DHX40: variants seen among roughly 807,000 people sequenced by gnomAD.
DHX40 encodes the protein DEAH-box helicase 40.
DHX40 carries 28 observed loss-of-function variants against 89.6 expected under a neutral mutation model. That is an observed-to-expected ratio of 0.31 (90% CI 0.23 to 0.43). The LOEUF (loss-of-function observed/expected upper bound fraction) is 0.43. DHX40 is among the 20% of genes least tolerant of loss of function. DHX40 has a pLI of 1.00. For synonymous variants in DHX40, 226 were observed against 283.6 expected (o/e 0.80, Z 2.04); for missense variants, 457 against 844.0 (o/e 0.54, Z 5.68).
At chr17:59,605,026 A>G (rs2030757786) in intron 15 of DHX40, 89 bp from the exon 16 acceptor site, 2 of 1,072,340 alleles carry the variant, frequency 1.9e-6, no homozygotes, top group Non-Finnish European at 2.9e-6. Flanking sequence ...AGTAGAACAT[A>G]TTGTAATTGT....
chr17:59,575,187 A>C (rs991785786), intron 6 of DHX40, among the ~76,000 whole-genome samples, 153 bp from the exon 7 acceptor site: 4 of 151,962 alleles, frequency 2.6e-5, no homozygotes, highest in African/African-American at 7.3e-5. Flanking sequence ...TATTGTTGAA[A>C]TATGGTACAG....
intron 14 of DHX40, among the ~76,000 whole-genome samples, chr17:59,600,637 A>C (rs143643554): frequency 0.025 from 3,830 of 151,498 alleles, 155 homozygotes; most frequent in African/African-American, 0.088. Context: ...ACTTGAGGCC[A>C]GGAGTTCAAG....
At chr17:59,600,414 T>A (rs964596836) in intron 14 of DHX40, among the ~76,000 whole-genome samples, 6 of 151,916 alleles carry the variant, frequency 3.9e-5, no homozygotes, top group African/African-American at 1.5e-4. Flanking sequence ...TTACTGTATA[T>A]AAGTTTGCAT....
chr17:59,607,305 A>G lies in DHX40; in HGVS notation c.*133A>G. 6 of 1,552,916 alleles carry G rather than the reference A, an allele frequency of 3.9e-6. No homozygotes were observed. The highest frequency in any genetic ancestry group is 5.3e-6 in the Non-Finnish European group (6 of 1,138,956). On this transcript the variant is annotated 3_prime_UTR_variant, in exon 18 of 18. Transcript: ENST00000251241. ...TTATTGGCCTATGAACTAAAAGCAA[A>G]TCAAAGCTCATAAATCAAAGCTCAT...
intron 6 of DHX40, among the ~76,000 whole-genome samples, chr17:59,574,526 A>T (rs2048854231): frequency 6.6e-6 from 1 of 151,366 alleles, no homozygotes; most frequent in Admixed American, 6.6e-5. Context: ...ATAGTAGTAT[A>T]TGTCAAAGAC....
chr17:59,604,440 C>T (rs1373068953), intron 15 of DHX40: 3 of 152,068 alleles, frequency 2.0e-5, no homozygotes, highest in Non-Finnish European at 4.4e-5. Context: ...TTGATGATAC[C>T]TGAGTCTAAT....
intron 12 of DHX40, among the ~76,000 whole-genome samples, 188 bp downstream of exon 12, chr17:59,588,241 A>AAAAACAAAAAAAAAAACC (rs1367090814): frequency 6.8e-6 from 1 of 146,066 alleles, no homozygotes. Context: ...AAAAAAAAAA[A>AAAAACAAAAAAAAAAACC]CCAAAAACAA....
chr17:59,589,707 A>G (rs1316997766), intron 12 of DHX40, among the ~76,000 whole-genome samples: 1 of 135,748 alleles, frequency 7.4e-6, no homozygotes, highest in African/African-American at 2.8e-5. Flanking sequence ...CAGAAAACTA[A>G]GGATAAACAA....
intron 3 of DHX40, 140 bp from the exon 4 acceptor site, chr17:59,572,976 G>A: frequency 1.2e-6 from 1 of 814,198 alleles, no homozygotes; most frequent in Non-Finnish European, 1.9e-6. Flanking sequence ...CCATCATTTT[G>A]TATACATAAG....
At chr17:59,585,583 C>T (rs1226355582) in intron 10 of DHX40, among the ~76,000 whole-genome samples, 16 of 148,594 alleles carry the variant, frequency 1.1e-4, no homozygotes, top group Middle Eastern at 3.4e-3. Context: ...ATTAGCTAGG[C>T]GTGGTGGCAT....
intron 17 of DHX40, among the ~76,000 whole-genome samples, chr17:59,606,198 C>T: frequency 6.6e-6 from 1 of 151,842 alleles, no homozygotes; most frequent in East Asian, 1.9e-4. Flanking sequence ...GCATGCACCA[C>T]CACGCCTGGC....
At chr17:59,596,518 A>G (rs988895537) in intron 12 of DHX40, among the ~76,000 whole-genome samples, 4 of 152,330 alleles carry the variant, frequency 2.6e-5, no homozygotes, top group South Asian at 2.1e-4. Context: ...CAGTGAGCCA[A>G]GATTGCACCA....
intron 10 of DHX40, among the ~76,000 whole-genome samples, chr17:59,580,959 G>A (rs1388293678): frequency 1.3e-5 from 2 of 150,426 alleles, no homozygotes; most frequent in African/African-American, 2.5e-5. Context: ...GCACGTGATT[G>A]TAGTCCCAGC....
In DHX40 at chr17:59,566,767, C is replaced by T; in HGVS notation, c.253C>T (p.Gln85Ter). The change falls in exon 2 of 18, where the codon CAA (glutamine) becomes TAA (stop). Residue 85 changes from glutamine to a stop codon, truncating the protein, a stop_gained. Coordinates refer to ENST00000251241, the MANE Select transcript of DHX40 (RefSeq NM_024612.5). LOFTEE classifies it high-confidence loss of function. ...AAATACAGGAAGTGGTAAAACAACT[C>T]AACTCCCAAAATATCTATATGAAGC... ...TGNTGSGKTT[Q>*]LPKYLYEAGF... The T allele has an allele frequency of 6.3e-7, 1 of 1,586,578 alleles. No homozygotes were observed. The highest frequency in any genetic ancestry group is 8.5e-7 in the Non-Finnish European group (1 of 1,172,804).
rs3842373 is a variant in DHX40, at chr17:59,605,680, T to TA, written c.2200+9dup. On this transcript the variant is annotated splice_region_variant and intron_variant, in intron 17 of 17. Coordinates refer to ENST00000251241, the MANE Select transcript of DHX40 (RefSeq NM_024612.5). The stretch of plus-strand genomic sequence containing the variant: ...AAATGTAAAGCAGCTAAAGGGTGAG[T>TA]AAATCATTTGTTCTACTCTTAACCA... 161,983 of 1,605,038 alleles carry TA rather than the reference T, an allele frequency of 0.1. 16,198 individuals carry two copies. Among genetic ancestry groups the TA allele is most frequent in the East Asian group, 0.5 (22,041 of 43,844 alleles).
chr17:59,590,483 A>C (rs975705729), intron 12 of DHX40, among the ~76,000 whole-genome samples: 2 of 151,108 alleles, frequency 1.3e-5, no homozygotes, highest in African/African-American at 4.9e-5. Context: ...TTTAAATTTT[A>C]TTGAGACAAG....
At chr17:59,570,727 C>G in intron 3 of DHX40, 64 bp downstream of exon 3, 1 of 1,503,954 alleles carries the variant, frequency 6.6e-7, no homozygotes, top group Non-Finnish European at 9.0e-7. Flanking sequence ...CTCTGTCGCC[C>G]AGCCTGGAGT....
intron 12 of DHX40, among the ~76,000 whole-genome samples, chr17:59,593,522 C>T (rs1244314641): frequency 3.8e-5 from 2 of 52,832 alleles, no homozygotes; most frequent in African/African-American, 1.7e-4. Context: ...GTCGCCCAGG[C>T]TGGAGTGCAG....
Position 59,565,692 on chromosome 17 carries a change from C to T in DHX40, c.21C>T (p.Val7=). The T allele has an allele frequency of 1.9e-6, 3 of 1,602,278 alleles. No homozygotes were observed. The highest frequency in any genetic ancestry group is 1.1e-5 in the South Asian group (1 of 91,018). Reference sequence around the variant, plus strand: ...GGTCTATGTCCCGGTTTCCCGCAGTCGCGGGCAGGGCGCCAAGGCGGCAGG... The same window carrying T: ...GGTCTATGTCCCGGTTTCCCGCAGTTGCGGGCAGGGCGCCAAGGCGGCAGG... MSRFPA[V]AGRAPRRQEE... Residue 7 remains valine (V), a synonymous_variant, in exon 1 of 18, where the codon GTC becomes GTT. Coordinates refer to ENST00000251241, the MANE Select transcript of DHX40 (RefSeq NM_024612.5).
Sources: gnomAD v4.1 joint callset for allele counts (sites outside exome capture counted in the v4.1 genomes callset) on GRCh38, gnomAD v4.1.1 for gene constraint, MANE v1.5 for transcripts, NCBI Gene and HGNC (gene_info 2026-07-23, HGNC 2026-07-21) for gene names.